CHST9: variants seen among roughly 807,000 people sequenced by gnomAD.
CHST9 encodes the protein carbohydrate sulfotransferase 9, also known as GalNAc-4-sulfotransferase 2.
Under a neutral mutation model 44.4 loss-of-function variants are expected in CHST9, and 41 were observed. That is an observed-to-expected ratio of 0.92 (90% CI 0.72 to 1.20). The LOEUF is 1.20. Among genes scored for constraint, CHST9 ranks in the 50% most tolerant of loss-of-function variants. CHST9 has a pLI of 0.00. For missense variants in CHST9, 504 were observed against 516.5 expected (o/e 0.98, Z 0.23); for synonymous variants, 171 against 178.4 (o/e 0.96, Z 0.33).
chr18:26,976,282 A>G (rs1179477941), intron 4 of CHST9, among the ~76,000 whole-genome samples: 2 of 152,078 alleles, frequency 1.3e-5, no homozygotes, highest in Non-Finnish European at 2.9e-5. Flanking sequence ...ATCTGATATG[A>G]AGACAGTCAT....
intron 1 of CHST9, among the ~76,000 whole-genome samples, chr18:27,155,897 T>C (rs1233825642): frequency 6.6e-6 from 1 of 151,746 alleles, no homozygotes; most frequent in African/African-American, 2.4e-5. Flanking sequence ...ACCGGTAAAA[T>C]GGGAGAATAA....
intron 4 of CHST9, among the ~76,000 whole-genome samples, chr18:26,975,667 AT>A (rs2056609547): frequency 6.9e-6 from 1 of 144,520 alleles, no homozygotes; most frequent in African/African-American, 2.5e-5. Flanking sequence ...ATATATATAT[AT>A]AAATATATGT....
At chr18:27,077,000 C>G (rs1324110202) in intron 2 of CHST9, among the ~76,000 whole-genome samples, 2 of 152,168 alleles carry the variant, frequency 1.3e-5, no homozygotes, top group Non-Finnish European at 2.9e-5. Flanking sequence ...GGAGTTCTCA[C>G]TCTACTAGAA....
intron 1 of CHST9, among the ~76,000 whole-genome samples, chr18:27,177,700 A>T (rs1026000265): frequency 6.6e-6 from 1 of 151,930 alleles, no homozygotes; most frequent in South Asian, 2.1e-4. Context: ...TTAGGGTAGC[A>T]TTGAAGTACT....
At chr18:27,052,501 A>G (rs2057580295) in intron 2 of CHST9, among the ~76,000 whole-genome samples, 1 of 152,074 alleles carries the variant, frequency 6.6e-6, no homozygotes, top group South Asian at 2.1e-4. Flanking sequence ...CTCAGTCTGA[A>G]TAGGTGATCT....
At chr18:26,940,229 A>G (rs1242142969) in intron 5 of CHST9, among the ~76,000 whole-genome samples, 1 of 152,014 alleles carries the variant, frequency 6.6e-6, no homozygotes, top group Non-Finnish European at 1.5e-5. Context: ...CTCAGAAAAA[A>G]AAACCTGTCT....
chr18:27,175,445 TG>T (rs1384765581), intron 1 of CHST9, among the ~76,000 whole-genome samples: 1 of 152,042 alleles, frequency 6.6e-6, no homozygotes, highest in African/African-American at 2.4e-5. Context: ...TTATTTATTT[TG>T]GGGGGTGTAA....
At chr18:27,152,894 G>A (rs760332557) in intron 1 of CHST9, among the ~76,000 whole-genome samples, 1 of 152,062 alleles carries the variant, frequency 6.6e-6, no homozygotes, top group Non-Finnish European at 1.5e-5. Context: ...GATAACTATG[G>A]ATTGGGTAAG....
chr18:27,172,237 T>TC (rs750267936), intron 1 of CHST9, among the ~76,000 whole-genome samples: 18 of 152,164 alleles, frequency 1.2e-4, no homozygotes, highest in Non-Finnish European at 2.5e-4. Context: ...AGTCCACCTT[T>TC]CATACTGCTA....
At chr18:27,139,610 A>T (rs2143860579) in intron 2 of CHST9, among the ~76,000 whole-genome samples, 1 of 152,224 alleles carries the variant, frequency 6.6e-6, no homozygotes, top group African/African-American at 2.4e-5. Context: ...GTCTTCTTAA[A>T]GAATATTACA....
chr18:27,005,463 A>C (rs537879119), intron 4 of CHST9, among the ~76,000 whole-genome samples: 26 of 152,246 alleles, frequency 1.7e-4, no homozygotes, highest in Admixed American at 2.6e-4. Context: ...TATTTACTTC[A>C]AATCGATGCT....
chr18:27,045,046 G>GAAA (rs767297866), intron 3 of CHST9, among the ~76,000 whole-genome samples: 1 of 100,822 alleles, frequency 9.9e-6, no homozygotes, highest in African/African-American at 3.5e-5. Context: ...TTTGAGTTGA[G>GAAA]AAAAAAAAAA....
intron 2 of CHST9, among the ~76,000 whole-genome samples, chr18:27,075,542 C>T (rs1461178523): frequency 6.6e-6 from 1 of 152,196 alleles, no homozygotes; most frequent in African/African-American, 2.4e-5. Context: ...ACTTTATCCA[C>T]TTGTAGGTGG....
intron 4 of CHST9, among the ~76,000 whole-genome samples, chr18:26,969,368 C>CTGTGTGTGTGTGTGTG (rs1435153900): frequency 7.4e-5 from 7 of 94,018 alleles, no homozygotes; most frequent in African/African-American, 2.7e-4. Context: ...GATTCTCTCT[C>CTGTGTGTGTGTGTGTG]TCTCTCTCTG....
At chr18:26,946,362 G>A (rs1243535374) in intron 4 of CHST9, among the ~76,000 whole-genome samples, 1 of 152,204 alleles carries the variant, frequency 6.6e-6, no homozygotes, top group African/African-American at 2.4e-5. Flanking sequence ...CAAGGGCCAT[G>A]TGATAGGAGG....
chr18:27,099,840 C>T (rs1409015877), intron 2 of CHST9, among the ~76,000 whole-genome samples: 1 of 152,024 alleles, frequency 6.6e-6, no homozygotes, highest in Non-Finnish European at 1.5e-5. Context: ...GGACTTAAAA[C>T]AGAACTAACA....
intron 2 of CHST9, among the ~76,000 whole-genome samples, chr18:27,068,294 T>A (rs1598694956): frequency 6.6e-6 from 1 of 152,186 alleles, no homozygotes; most frequent in African/African-American, 2.4e-5. Context: ...ATACTGACTT[T>A]ACATTTTCCT....
chr18:26,972,614 G>A (rs2056564233), intron 4 of CHST9, among the ~76,000 whole-genome samples: 1 of 152,064 alleles, frequency 6.6e-6, no homozygotes, highest in Non-Finnish European at 1.5e-5. Flanking sequence ...CTTTTCCTGC[G>A]AATGGTACAA....
chr18:27,008,882 G>A (rs2145240956), intron 4 of CHST9, among the ~76,000 whole-genome samples: 1 of 150,590 alleles, frequency 6.6e-6, no homozygotes, highest in African/African-American at 2.4e-5. Context: ...ATTGCAGCAG[G>A]TTCTTGTTTT....
Sources: gnomAD v4.1 joint callset for allele counts (sites outside exome capture counted in the v4.1 genomes callset) on GRCh38, gnomAD v4.1.1 for gene constraint, MANE v1.5 for transcripts, NCBI Gene and HGNC (gene_info 2026-07-23, HGNC 2026-07-21) for gene names.